IFT43: variants seen among roughly 807,000 people sequenced by gnomAD.
IFT43 encodes the protein intraflagellar transport protein 43 homolog.
IFT43 carries 33 observed loss-of-function variants against 32.3 expected under a neutral mutation model. The ratio of observed to expected loss-of-function variants is 1.02; its 90% confidence interval spans 0.77 to 1.37. The LOEUF (loss-of-function observed/expected upper bound fraction) is 1.37, where lower values mean the gene tolerates loss of function less well. IFT43 is among the 40% of genes most tolerant of loss of function. The pLI, the probability that IFT43 is intolerant of heterozygous loss-of-function variation, is 0.00. For synonymous variants in IFT43, 93 were observed against 98.2 expected, an observed-to-expected ratio of 0.95 and a Z score of 0.31; for missense variants, 274 against 265.9, an observed-to-expected ratio of 1.03 and a Z score of -0.21.
At chr14:76,027,538 T>C (rs2036425305) in intron 3 of IFT43, among the ~76,000 whole-genome samples, 1 of 151,968 alleles carries the variant, frequency 6.6e-6, no homozygotes, top group South Asian at 2.1e-4. Flanking sequence ...TGAAACCCCG[T>C]CTCTACTAAA....
intron 2 of IFT43, among the ~76,000 whole-genome samples, chr14:76,020,986 G>C (rs1466429512): frequency 6.6e-6 from 1 of 152,194 alleles, no homozygotes; most frequent in African/African-American, 2.4e-5. Flanking sequence ...ACTGGTGGCA[G>C]GCAGGGTAGG....
chr14:75,988,802 G>A, intron 1 of IFT43, 83 bp from the exon 2 acceptor site: 12 of 1,605,678 alleles, frequency 7.5e-6, no homozygotes, highest in Non-Finnish European at 1.0e-5. Flanking sequence ...GCAGCTGTGA[G>A]CCACTGCGCC....
At chr14:75,986,409 C>T in intron 1 of IFT43, 1 of 491,700 alleles carries the variant, frequency 2.0e-6, no homozygotes, top group South Asian at 3.1e-5. Flanking sequence ...TGCTCAGGCA[C>T]TGAGGCCAGA....
chr14:76,065,345 AC>A (rs2037208983), intron 5 of IFT43, among the ~76,000 whole-genome samples: 1 of 152,200 alleles, frequency 6.6e-6, no homozygotes. Context: ...TGAAAAATCA[AC>A]TTTACTAAGG....
At chr14:76,055,124 G>T (rs1006719676) in intron 3 of IFT43, among the ~76,000 whole-genome samples, 2 of 152,158 alleles carry the variant, frequency 1.3e-5, no homozygotes, top group Non-Finnish European at 2.9e-5. Context: ...CAGGAGAATT[G>T]CTTGAGGTCA....
chr14:76,083,077 A>G, intron 7 of IFT43, 150 bp from the exon 8 acceptor site: 1 of 813,896 alleles, frequency 1.2e-6, no homozygotes, highest in Non-Finnish European at 2.1e-6. Flanking sequence ...CATGTGGTTC[A>G]TTCATGATTT....
chr14:76,009,801 G>GTTTTTTTTTTT (rs371762422), intron 2 of IFT43, among the ~76,000 whole-genome samples: 11 of 147,028 alleles, frequency 7.5e-5, no homozygotes, highest in African/African-American at 2.5e-4. Context: ...TCATCTAGTG[G>GTTTTTTTTTTT]TTTTTTTTTT....
At chr14:75,993,360 C>T (rs1229411775) in intron 2 of IFT43, among the ~76,000 whole-genome samples, 2 of 152,222 alleles carry the variant, frequency 1.3e-5, no homozygotes, top group Non-Finnish European at 2.9e-5. Flanking sequence ...GCTGGGTTGA[C>T]ATTCCCACAT....
intron 2 of IFT43, among the ~76,000 whole-genome samples, chr14:76,016,920 C>A (rs1442025439): frequency 6.6e-6 from 1 of 152,066 alleles, no homozygotes. Context: ...TCACTGAATT[C>A]ATTTATTCAT....
chr14:76,001,549 G>C (rs967409603), intron 2 of IFT43, among the ~76,000 whole-genome samples: 1 of 152,186 alleles, frequency 6.6e-6, no homozygotes, highest in Non-Finnish European at 1.5e-5. Flanking sequence ...GAATTTGTTA[G>C]GCCTTAATTC....
At chr14:76,049,870 C>CG (rs1460710431) in intron 3 of IFT43, among the ~76,000 whole-genome samples, 3 of 151,886 alleles carry the variant, frequency 2.0e-5, no homozygotes, top group East Asian at 1.9e-4. Flanking sequence ...TTTCAAGCCC[C>CG]CAAATCCCTC....
In IFT43 at chr14:75,985,985, C is replaced by T. The variant is rs534214847; in HGVS notation, c.54+145C>T. 8.5e-6 allele frequency: 13 copies of T among 1,527,192 alleles called. No homozygotes were observed. The African/African-American group carries it at 1.8e-4, about 21-fold the overall frequency. The allele number at this position is 1,527,192 out of a possible 1,614,324, so 94.6% of individuals were successfully genotyped here. A position where few individuals can be genotyped will look rare whatever the true frequency, so the allele number is the denominator to read the frequency against. ...GGCCCAGAAGGAGGCAGCCTCACCG[C>T]CCCGCCCCCAGGCCACTGTGGGCTC... On this transcript the variant is annotated intron_variant, in intron 1 of 8. Coordinates refer to ENST00000314067, the MANE Select transcript of IFT43 (RefSeq NM_001102564.3).
intron 2 of IFT43, among the ~76,000 whole-genome samples, chr14:76,015,897 G>A (rs2036178890): frequency 6.6e-6 from 1 of 152,166 alleles, no homozygotes. Context: ...ATCTCAGTGT[G>A]GTTTTGGATT....
chr14:75,995,963 G>A (rs548738878), intron 2 of IFT43, among the ~76,000 whole-genome samples: 14 of 152,260 alleles, frequency 9.2e-5, no homozygotes, highest in Middle Eastern at 6.8e-3. Context: ...TGTGTGGGAG[G>A]GAATGTCATC....
intron 3 of IFT43, among the ~76,000 whole-genome samples, chr14:76,036,011 G>A (rs989781448): frequency 4.6e-5 from 7 of 152,152 alleles, no homozygotes; most frequent in African/African-American, 1.2e-4. Flanking sequence ...ATGTGAACAC[G>A]CTTTATCCTA....
chr14:76,040,096 G>C (rs2036679042), intron 3 of IFT43, among the ~76,000 whole-genome samples: 1 of 152,138 alleles, frequency 6.6e-6, no homozygotes, highest in Non-Finnish European at 1.5e-5. Flanking sequence ...GGGACTGCAG[G>C]TGTGTGTCAC....
intron 2 of IFT43, among the ~76,000 whole-genome samples, chr14:75,999,809 C>T (rs1594806568): frequency 6.6e-6 from 1 of 152,198 alleles, no homozygotes; most frequent in South Asian, 2.1e-4. Flanking sequence ...ACGGTAAAAC[C>T]ATTTAATGTA....
chr14:76,065,677 T>A (rs1447312693), intron 5 of IFT43, among the ~76,000 whole-genome samples: 1 of 152,194 alleles, frequency 6.6e-6, no homozygotes, highest in Non-Finnish European at 1.5e-5. Flanking sequence ...GCATACATCA[T>A]TAGCCTGTGT....
chr14:76,083,831 C>G (rs931145053), downstream of IFT43: 4 of 631,924 alleles, frequency 6.3e-6, no homozygotes. Flanking sequence ...GAACTCAGAA[C>G]TCGCGGCCTT....
Sources: allele counts gnomAD v4.1 joint callset (sites outside exome capture counted in the v4.1 genomes callset), GRCh38; gene constraint gnomAD v4.1.1; transcripts MANE v1.5; gene names NCBI Gene and HGNC (gene_info 2026-07-23, HGNC 2026-07-21).